AEBP2: variants seen among roughly 807,000 people sequenced by gnomAD.
The protein encoded by AEBP2 is zinc finger protein AEBP2.
Under a neutral mutation model 50.8 loss-of-function variants are expected in AEBP2, and 10 were observed. The ratio of observed to expected loss-of-function variants is 0.20; its 90% CI spans 0.12 to 0.33. The LOEUF (loss-of-function observed/expected upper bound fraction) is 0.33, where lower values mean the gene tolerates loss of function less well. Among genes scored for constraint, AEBP2 ranks in the 10% least tolerant of loss-of-function variants. The pLI is 1.00. For synonymous variants in AEBP2, 296 were observed against 261.3 expected (o/e 1.13, Z -1.28); for missense variants, 570 against 688.0 (o/e 0.83, Z 1.92).
intron 1 of AEBP2, chr12:19,457,362 C>CT (rs1337283503): frequency 1.4e-6 from 2 of 1,454,188 alleles, no homozygotes; most frequent in Non-Finnish European, 1.9e-6. Context: ...GGTTAAGTCT[C>CT]TGTGTCCTAG....
At chr12:19,437,107 C>T (rs1947867802), upstream of AEBP2, among the ~76,000 whole-genome samples, 1 of 152,206 alleles carries the variant, frequency 6.6e-6, no homozygotes, top group Non-Finnish European at 1.5e-5. Context: ...CCAGAGAAGT[C>T]TGCTCTATAC....
chr12:19,443,490 G>A (rs541233168), intron 1 of AEBP2, among the ~76,000 whole-genome samples: 6 of 151,864 alleles, frequency 4.0e-5, no homozygotes, highest in East Asian at 3.9e-4. Context: ...AGGCCGAGTC[G>A]GGTGGATCAT....
intron 1 of AEBP2, 107 bp downstream of exon 1, chr12:19,440,477 C>T: frequency 7.1e-7 from 1 of 1,407,004 alleles, no homozygotes. Context: ...CTCCCCGAAT[C>T]CTCGGCCCCT....
Position 19,440,020 on chromosome 12 carries a change from A to G in AEBP2, c.321A>G (p.Glu107=), listed in dbSNP as rs1947919626. Residue 107 remains glutamate (E), a synonymous_variant, in exon 1 of 8, where the codon GAA becomes GAG. Coordinates refer to ENST00000266508, the MANE Select transcript of AEBP2 (RefSeq NM_153207.5). ...EDEEEDDEEE[E]DESSSSGGGE... is the part of the protein sequence containing the mutation. ...AGGAGGAGGACGACGAGGAGGAGGA[A>G]GATGAGAGCAGCAGCAGCGGCGGGG... 6.6e-7 allele frequency: 1 copy of G among 1,524,790 alleles called. No individual in the cohort carries two copies. Among genetic ancestry groups the G allele is most frequent in the Non-Finnish European group, 8.8e-7 (1 of 1,142,118 alleles). The allele number at this position is 1,524,790 out of a possible 1,614,324, so 94.5% of individuals were successfully genotyped here. A position where few individuals can be genotyped will look rare whatever the true frequency, so the allele number is the denominator to read the frequency against.
chr12:19,505,464 C>CATG (rs1347749634), intron 5 of AEBP2, among the ~76,000 whole-genome samples: 1 of 152,152 alleles, frequency 6.6e-6, no homozygotes, highest in African/African-American at 2.4e-5. Flanking sequence ...ATGGAAGAGA[C>CATG]ATGATAAAAC....
chr12:19,481,582 G>T (rs1948730597), intron 3 of AEBP2, among the ~76,000 whole-genome samples: 1 of 151,898 alleles, frequency 6.6e-6, no homozygotes, highest in African/African-American at 2.4e-5. Context: ...GGGTTCAAGT[G>T]ATTCTCATGC....
chr12:19,508,923 A>C (rs12308820), intron 5 of AEBP2: 11 of 366,268 alleles, frequency 3.0e-5, no homozygotes, highest in Non-Finnish European at 5.8e-5. Context: ...CATTTGACAT[A>C]CTGTCGTAGG....
intron 1 of AEBP2, among the ~76,000 whole-genome samples, chr12:19,455,374 A>G (rs1179500079): frequency 1.3e-5 from 2 of 152,150 alleles, no homozygotes; most frequent in African/African-American, 2.4e-5. Context: ...GTAGTTTCTT[A>G]AAGATTATTT....
At chr12:19,404,210 T>C (rs1343589411) in exon 1 of AEBP2, 1 of 152,310 alleles carries the variant, frequency 6.6e-6, no homozygotes, top group South Asian at 2.1e-4. Flanking sequence ...CAGCGGTCCT[T>C]TGTGAGGTAG....
At chr12:19,515,801 C>T (rs1401850978) in intron 7 of AEBP2, among the ~76,000 whole-genome samples, 1 of 152,112 alleles carries the variant, frequency 6.6e-6, no homozygotes, top group African/African-American at 2.4e-5. Flanking sequence ...TTCCCTATTA[C>T]AATAAAAGGT....
intron 3 of AEBP2, among the ~76,000 whole-genome samples, chr12:19,476,031 T>G (rs1295467626): frequency 6.6e-6 from 1 of 152,188 alleles, no homozygotes. Flanking sequence ...AATCTGCTGA[T>G]TATTTCTTTT....
At chr12:19,488,367 A>T (rs1165419673) in intron 3 of AEBP2, among the ~76,000 whole-genome samples, 1 of 147,280 alleles carries the variant, frequency 6.8e-6, no homozygotes, top group African/African-American at 2.5e-5. Context: ...GGCTTAATCG[A>T]TCCGCTCACC....
intron 5 of AEBP2, 74 bp downstream of exon 5, chr12:19,500,295 C>A: frequency 7.8e-7 from 1 of 1,284,726 alleles, no homozygotes; most frequent in South Asian, 1.9e-5. Flanking sequence ...ATTTCTAAAT[C>A]TCTCAAAATC....
At chr12:19,475,514 A>G (rs1164946622) in intron 3 of AEBP2, among the ~76,000 whole-genome samples, 1 of 152,064 alleles carries the variant, frequency 6.6e-6, no homozygotes, top group African/African-American at 2.4e-5. Flanking sequence ...ATTGAAGGGC[A>G]CACTTGTGTG....
intron 3 of AEBP2, among the ~76,000 whole-genome samples, chr12:19,487,654 G>T (rs1247776737): frequency 2.0e-5 from 3 of 151,998 alleles, no homozygotes; most frequent in African/African-American, 7.3e-5. Context: ...GGAGGCAGAG[G>T]TTGCAGTGAA....
chr12:19,495,378 A>AT (rs1948960789), intron 4 of AEBP2, among the ~76,000 whole-genome samples: 1 of 152,224 alleles, frequency 6.6e-6, no homozygotes, highest in South Asian at 2.1e-4. Flanking sequence ...CCAGACACTA[A>AT]TTCCAGACTA....
chr12:19,493,929 T>C lies in AEBP2; in HGVS notation c.1117T>C (p.Ser373Pro), dbSNP rs746649149. 5 of 1,613,302 alleles carry C rather than the reference T, an allele frequency of 3.1e-6. No homozygotes were observed. In the Admixed American group the frequency reaches 6.7e-5, roughly 22 times the overall value. The change falls in exon 4 of 8, where the codon TCT becomes CCT. Residue 373 changes from serine (S) to proline (P), a missense_variant. Physicochemically the swap from Ser to Pro is moderately conservative, Grantham distance 74. Around this residue, in one of 2 missense-constraint regions of AEBP2, gnomAD observed 184 missense variants for 351.2 expected, o/e 0.52. Coordinates refer to ENST00000266508, the MANE Select transcript of AEBP2 (RefSeq NM_153207.5). ...SQPKAKEESP[S>P]KAGMNKRRKL... ...GCCAAAGGCCAAAGAAGAATCTCCT[T>C]CTAAAGCTGGAATGAACAAAAGGAG...
chr12:19,491,518 A>G (rs1948894857), intron 3 of AEBP2, among the ~76,000 whole-genome samples: 1 of 152,274 alleles, frequency 6.6e-6, no homozygotes, highest in African/African-American at 2.4e-5. Context: ...CTTCTAGCAT[A>G]TTATGTAATA....
intron 3 of AEBP2, among the ~76,000 whole-genome samples, chr12:19,474,676 T>TA (rs1234623766): frequency 6.6e-6 from 1 of 152,232 alleles, no homozygotes; most frequent in Non-Finnish European, 1.5e-5. Context: ...AGAGCAGCTT[T>TA]AAATACACAG....
Sources: gnomAD v4.1 joint callset for allele counts (sites outside exome capture counted in the v4.1 genomes callset) on GRCh38, gnomAD v4.1.1 for gene constraint, gnomAD v4.1.1 regional missense constraint, MANE v1.5 for transcripts, NCBI Gene and HGNC (gene_info 2026-07-23, HGNC 2026-07-21) for gene names.